The following RSRC1 variants were observed in gnomAD, a reference collection of about 807,000 sequenced individuals.
The protein encoded by RSRC1 is arginine and serine rich coiled-coil 1, also known as serine/Arginine-related protein 53.
RSRC1 carries 39 observed loss-of-function variants against 49.1 expected under a neutral mutation model. The observed-to-expected ratio is 0.79, with a 90% CI of 0.61 to 1.04. The LOEUF is 1.04. RSRC1 is among the 50% of genes least tolerant of loss of function. The pLI is 0.00. For missense variants in RSRC1, 388 were observed against 402.4 expected (o/e 0.96, Z 0.31); for synonymous variants, 143 against 130.8 (o/e 1.09, Z -0.63).
intron 4 of RSRC1, among the ~76,000 whole-genome samples, chr3:158,217,552 T>A (rs968539495): frequency 6.6e-6 from 1 of 151,552 alleles, no homozygotes; most frequent in Admixed American, 6.6e-5. Flanking sequence ...TTAAATTAAT[T>A]ATCCTGAGGA....
At chr3:158,215,678 T>G (rs1404340608) in intron 4 of RSRC1, among the ~76,000 whole-genome samples, 1 of 151,814 alleles carries the variant, frequency 6.6e-6, no homozygotes, top group African/African-American at 2.4e-5. Context: ...GTGGTTGCCC[T>G]AGGAATTATA....
At chr3:158,464,706 T>C (rs992294991) in intron 7 of RSRC1, among the ~76,000 whole-genome samples, 4 of 152,124 alleles carry the variant, frequency 2.6e-5, no homozygotes, top group Non-Finnish European at 4.4e-5. Context: ...AGAGTACTAG[T>C]AACTGAAAGG....
At chr3:158,272,198 T>C (rs1420515732) in intron 4 of RSRC1, among the ~76,000 whole-genome samples, 1 of 152,128 alleles carries the variant, frequency 6.6e-6, no homozygotes, top group Admixed American at 6.5e-5. Flanking sequence ...CCTGCACAAC[T>C]TTTTGTGTGA....
At chr3:158,160,224 C>T (rs1037600745) in intron 3 of RSRC1, among the ~76,000 whole-genome samples, 7 of 152,048 alleles carry the variant, frequency 4.6e-5, no homozygotes, top group South Asian at 2.1e-4. Flanking sequence ...TTCCTGAAGG[C>T]GCTGTTTTTT....
chr3:158,476,288 T>C (rs1738364413), intron 7 of RSRC1, among the ~76,000 whole-genome samples: 2 of 152,194 alleles, frequency 1.3e-5, no homozygotes, highest in Admixed American at 6.5e-5. Flanking sequence ...CAGCAAGTTA[T>C]GTAAAAGATC....
intron 3 of RSRC1, among the ~76,000 whole-genome samples, chr3:158,189,976 T>G (rs1350114952): frequency 6.6e-6 from 1 of 151,958 alleles, no homozygotes; most frequent in African/African-American, 2.4e-5. Context: ...ATTACATTTT[T>G]TTTTTCCCGT....
intron 3 of RSRC1, among the ~76,000 whole-genome samples, chr3:158,196,791 G>T (rs1283467316): frequency 4.6e-5 from 7 of 152,264 alleles, no homozygotes; most frequent in African/African-American, 1.7e-4. Context: ...CTGTTAATAT[G>T]CTGGATTATG....
intron 7 of RSRC1, among the ~76,000 whole-genome samples, chr3:158,466,151 T>A (rs985962339): frequency 6.6e-6 from 1 of 152,208 alleles, no homozygotes; most frequent in Non-Finnish European, 1.5e-5. Flanking sequence ...AGTAAATGTG[T>A]GTTAATTCAT....
intron 4 of RSRC1, among the ~76,000 whole-genome samples, chr3:158,244,232 C>A (rs1723758422): frequency 6.6e-6 from 1 of 152,074 alleles, no homozygotes. Context: ...AGCTTTTGCC[C>A]ATTCAGTTGA....
chr3:158,208,674 G>C (rs1034686767), intron 4 of RSRC1, among the ~76,000 whole-genome samples: 1 of 152,128 alleles, frequency 6.6e-6, no homozygotes, highest in African/African-American at 2.4e-5. Flanking sequence ...CCAGGCCCTA[G>C]ATCATTACAA....
At chr3:158,426,551 T>C (rs1735457003) in intron 6 of RSRC1, among the ~76,000 whole-genome samples, 1 of 151,726 alleles carries the variant, frequency 6.6e-6, no homozygotes, top group Non-Finnish European at 1.5e-5. Context: ...TACCAGATGA[T>C]AATAAGAATA....
rs1270412838 is a variant in RSRC1, at chr3:158,180,083, TTTG to T, written c.321-22977_321-22975del. ...CCTTTTTTTCTAATTGAATAGTTTT[TTTG>T]TTGTTGTTGTTTTTTACTATTGAGT... On this transcript the variant is annotated intron_variant, in intron 3 of 9. Coordinates refer to ENST00000611884, the MANE Select transcript of RSRC1 (RefSeq NM_001271838.2). Among the ~76,000 whole-genome samples, 6 of 152,264 alleles carry T rather than the reference TTTG, an allele frequency of 3.9e-5. No homozygotes were observed. The East Asian group carries it at 5.8e-4, about 15-fold the overall frequency.
intron 5 of RSRC1, among the ~76,000 whole-genome samples, chr3:158,340,974 G>A (rs527359536): frequency 6.6e-6 from 1 of 152,298 alleles, no homozygotes; most frequent in African/African-American, 2.4e-5. Context: ...TTATGTTTTA[G>A]CAGAGAGACT....
At chr3:158,204,185 AT>A (rs1217475041) in intron 4 of RSRC1, among the ~76,000 whole-genome samples, 1 of 152,164 alleles carries the variant, frequency 6.6e-6, no homozygotes, top group Non-Finnish European at 1.5e-5. Context: ...TATTAAGTTT[AT>A]TAAAAGATAC....
At chr3:158,252,924 TGTA>T (rs1393310254) in intron 4 of RSRC1, among the ~76,000 whole-genome samples, 38 of 152,252 alleles carry the variant, frequency 2.5e-4, no homozygotes, top group African/African-American at 8.7e-4. Context: ...TGGTATCAGT[TGTA>T]GTGTCTCCTT....
At chr3:158,316,079 C>T (rs1001661667) in intron 5 of RSRC1, among the ~76,000 whole-genome samples, 7 of 150,676 alleles carry the variant, frequency 4.6e-5, no homozygotes, top group East Asian at 3.9e-4. Context: ...GGCTGAGGCA[C>T]GAGAATCACT....
At chr3:158,443,856 T>A (rs1468530599) in intron 6 of RSRC1, among the ~76,000 whole-genome samples, 2 of 152,174 alleles carry the variant, frequency 1.3e-5, no homozygotes, top group South Asian at 2.1e-4. Context: ...TCAAAGGCTA[T>A]TGTAGGGTTG....
At chr3:158,378,026 AT>A (rs928304313) in intron 6 of RSRC1, among the ~76,000 whole-genome samples, 10 of 150,784 alleles carry the variant, frequency 6.6e-5, no homozygotes, top group African/African-American at 2.2e-4. Flanking sequence ...TTCCCTCCCA[AT>A]TTTTTTCTCT....
chr3:158,323,044 C>T (rs933324977), intron 5 of RSRC1, among the ~76,000 whole-genome samples: 1 of 152,108 alleles, frequency 6.6e-6, no homozygotes, highest in African/African-American at 2.4e-5. Flanking sequence ...GATCACATTT[C>T]CACACTTCCT....
Sources: allele counts gnomAD v4.1 joint callset (sites outside exome capture counted in the v4.1 genomes callset), GRCh38; gene constraint gnomAD v4.1.1; transcripts MANE v1.5; gene names NCBI Gene and HGNC (gene_info 2026-07-23, HGNC 2026-07-21).